EEF2K: variants seen among roughly 807,000 people sequenced by gnomAD.
EEF2K encodes alternative protein EEF2K.
Under a neutral mutation model 93.8 loss-of-function variants are expected in EEF2K, and 70 were observed. That is an observed-to-expected ratio of 0.75 (90% CI 0.62 to 0.91). The LOEUF is 0.91. Ranked by LOEUF, EEF2K falls within the 40% of genes least tolerant of loss-of-function variation. The pLI, the probability that EEF2K is intolerant of heterozygous loss-of-function variation, is 0.00. For missense variants in EEF2K, 935 were observed against 972.9 expected, an observed-to-expected ratio of 0.96 and a Z score of 0.52; for synonymous variants, 376 against 380.8, an observed-to-expected ratio of 0.99 and a Z score of 0.15.
At chr16:22,260,376 G>A in intron 10 of EEF2K, 86 bp from the exon 11 acceptor site, 1 of 1,396,176 alleles carries the variant, frequency 7.2e-7, no homozygotes, top group African/African-American at 1.4e-5. Flanking sequence ...CTTGGTGGCA[G>A]GTATGGACCG....
rs2047319578 is a variant in EEF2K at position 22,248,755 on chromosome 16, G to A, written c.348G>A (p.Arg116=). 4 of 1,613,768 alleles carry A rather than the reference G, an allele frequency of 2.5e-6. No individual in the cohort carries two copies. The South Asian group carries it at 3.3e-5, about 13-fold the overall frequency. The change falls in exon 4 of 18, where the codon AGG becomes AGA. Residue 116 remains arginine (R), a splice_region_variant and synonymous_variant. Coordinates refer to ENST00000263026, the MANE Select transcript of EEF2K (RefSeq NM_013302.5). ...CCCCATGGTGGATGGGTCTCTGCAG[G>A]TACAACGCCGTCACCGGGGAATGGC... ...DIATERATRH[R]YNAVTGEWLD...
chr16:22,249,891 C>A (rs2141669006), intron 4 of EEF2K, among the ~76,000 whole-genome samples: 1 of 152,076 alleles, frequency 6.6e-6, no homozygotes, highest in African/African-American at 2.4e-5. Context: ...AAGCAATTCT[C>A]CTGCCTCAGC....
At chr16:22,249,426 G>A (rs1469935297) in intron 4 of EEF2K, among the ~76,000 whole-genome samples, 1 of 152,084 alleles carries the variant, frequency 6.6e-6, no homozygotes, top group East Asian at 1.9e-4. Context: ...AGCTTGCTGA[G>A]TTGTCACAAA....
At chr16:22,227,105 A>G (rs1199425969) in intron 2 of EEF2K, among the ~76,000 whole-genome samples, 4 of 152,226 alleles carry the variant, frequency 2.6e-5, no homozygotes, top group African/African-American at 7.2e-5. Flanking sequence ...AGGCTGAGGC[A>G]GGAGAATCAC....
In EEF2K at chr16:22,211,919, G is replaced by A. The variant is rs79639326; in HGVS notation, c.-77+5240G>A. Among the ~76,000 whole-genome samples the A allele has an allele frequency of 7.5e-4, 114 of 152,020 alleles. 1 individual carries two copies. In the East Asian group the frequency reaches 0.016, roughly 21 times the overall value. Reference sequence around the variant, plus strand: ...GGAGCTGCAGAGGAACAAGACACACGGCCCCTTTTGTTCAAGACACTCACA... The same window carrying A: ...GGAGCTGCAGAGGAACAAGACACACAGCCCCTTTTGTTCAAGACACTCACA... On this transcript the variant is annotated intron_variant, in intron 1 of 17. Coordinates refer to ENST00000263026, the MANE Select transcript of EEF2K (RefSeq NM_013302.5).
In EEF2K at chr16:22,260,554, C is replaced by G. The variant is rs540917876; in HGVS notation, c.1299+25C>G. ...GGTGAGTGTGAAGGGAGGGAGGCTG[C>G]AGGCTTCAGACCCCAGCAGGGGTAG... On this transcript the variant is annotated intron_variant, in intron 11 of 17. Transcript: ENST00000263026. 3.0e-5 allele frequency: 48 copies of G among 1,613,876 alleles called. 1 individual carries two copies. In the South Asian group the frequency reaches 4.8e-4, roughly 16 times the overall value.
Position 22,283,973 on chromosome 16 carries a change from G to C in EEF2K, c.2155G>C (p.Ala719Pro), listed in dbSNP as rs772711075. 2 of 1,586,202 alleles carry C rather than the reference G, an allele frequency of 1.3e-6. No individual in the cohort carries two copies. The highest frequency in any genetic ancestry group is 1.2e-5 in the South Asian group (1 of 86,728). Reference protein sequence around the residue: ...ANQYYQKAEEAWAQMEE With the variant: ...ANQYYQKAEEPWAQMEE ...CCAGTACTACCAAAAGGCTGAAGAG[G>C]CCTGGGCCCAGATGGAGGAGTAACC... Residue 719 changes from alanine to proline, a missense_variant, in exon 18 of 18, where the codon GCC becomes CCC. By Grantham distance (27) the Ala-to-Pro change is conservative. Transcript: ENST00000263026.
chr16:22,259,876 C>T (rs2047445527), intron 10 of EEF2K, among the ~76,000 whole-genome samples: 2 of 152,068 alleles, frequency 1.3e-5, no homozygotes, highest in Admixed American at 6.5e-5. Flanking sequence ...CCTCAGCCTC[C>T]CAAGTAGCTG....
chr16:22,250,632 C>T, intron 4 of EEF2K, 22 bp from the exon 5 acceptor site: 1 of 1,614,178 alleles, frequency 6.2e-7, no homozygotes, highest in South Asian at 1.1e-5. Context: ...GGACTGATAA[C>T]ACTCTGTGTG....
intron 12 of EEF2K, among the ~76,000 whole-genome samples, chr16:22,263,792 G>C (rs1047629666): frequency 2.6e-5 from 4 of 152,134 alleles, no homozygotes; most frequent in African/African-American, 9.7e-5. Context: ...GTAATAGCTG[G>C]ACCCACTCAT....
Position 22,234,359 on chromosome 16 carries a change from C to A in EEF2K, c.246+8384C>A, listed in dbSNP as rs576837474. On this transcript the variant is annotated intron_variant, in intron 2 of 17. Transcript: ENST00000263026. ...ATCACCTGAGGTCAGGAGTTGGAGA[C>A]CAGCCTGACCAATATGGTGAAACTT... Among the ~76,000 whole-genome samples, 27 of 152,204 alleles carry A rather than the reference C, an allele frequency of 1.8e-4. 1 individual carries two copies. The East Asian group carries it at 4.8e-3, about 27-fold the overall frequency.
Position 22,252,176 on chromosome 16 carries a change from T to C in EEF2K, c.618+854T>C, listed in dbSNP as rs866055249. On this transcript the variant is annotated intron_variant, in intron 6 of 17. Transcript: ENST00000263026. ...TACAGATGGGATCTATTAGTCAGGA[T>C]TTTTGTTTGCAAATGACAGAAACCC... Among the ~76,000 whole-genome samples, 7 of 152,324 alleles carry C rather than the reference T, an allele frequency of 4.6e-5. No homozygotes were observed. In the South Asian group the frequency reaches 1.5e-3, roughly 32 times the overall value.
At position 22,284,080 on chromosome 16, in the gene EEF2K, T is replaced by C. The variant is rs1448661485; in HGVS notation, c.*84T>C. On this transcript the variant is annotated 3_prime_UTR_variant, in exon 18 of 18. Transcript: ENST00000263026. ...AACAACAACAACAACTTATTTAGTTTGGGGAGGGGAAGCATTTTTAAGTGT... is the reference window on the plus strand; with the variant it reads ...AACAACAACAACAACTTATTTAGTTCGGGGAGGGGAAGCATTTTTAAGTGT... The C allele has an allele frequency of 1.6e-6, 2 of 1,221,248 alleles. No homozygotes were observed. The highest frequency in any genetic ancestry group is 2.6e-5 in the East Asian group (1 of 38,948). 75.7% of individuals were successfully genotyped at this position (1,221,248 alleles called of 1,614,324 possible). A position where few individuals can be genotyped will look rare whatever the true frequency, so the allele number is the denominator to read the frequency against.
Position 22,217,160 on chromosome 16 carries a change from CAAAAAAAAAA to C in EEF2K, c.-76-8480_-76-8471del, listed in dbSNP as rs59262131. 4.4e-4 allele frequency among the ~76,000 whole-genome samples: 34 copies of C among 76,486 alleles called. 1 individual carries two copies. Among genetic ancestry groups the C allele is most frequent in the Admixed American group, 2.4e-3 (13 of 5,340 alleles). 50.2% of individuals were successfully genotyped at this position (76,486 alleles called of 152,430 possible). A position where few individuals can be genotyped will look rare whatever the true frequency, so the allele number is the denominator to read the frequency against. Reference sequence around the variant, plus strand: ...TGGGTGACAGAGCAAGACCCTGTCTCAAAAAAAAAAAAAAAAAAAAAAAGAATCAGGAAGC... The same window carrying C: ...TGGGTGACAGAGCAAGACCCTGTCTCAAAAAAAAAAAAAGAATCAGGAAGC... On this transcript the variant is annotated intron_variant, in intron 1 of 17. Transcript: ENST00000263026.
At chr16:22,254,361 C>A (rs2047379765) in intron 6 of EEF2K, among the ~76,000 whole-genome samples, 1 of 152,100 alleles carries the variant, frequency 6.6e-6, no homozygotes, top group Admixed American at 6.6e-5. Context: ...GTTCTCAGAA[C>A]CCATTGAAGC....
intron 15 of EEF2K, among the ~76,000 whole-genome samples, chr16:22,267,093 G>A (rs2047532129): frequency 6.6e-6 from 1 of 152,202 alleles, no homozygotes; most frequent in Non-Finnish European, 1.5e-5. Context: ...GGGAGGGGAA[G>A]GTAAGTCACG....
intron 1 of EEF2K, among the ~76,000 whole-genome samples, chr16:22,224,747 G>A (rs532552760): frequency 6.6e-6 from 1 of 152,258 alleles, no homozygotes; most frequent in Non-Finnish European, 1.5e-5. Flanking sequence ...GGGGTCAGAA[G>A]TTCAAGACCA....
At chr16:22,228,862 C>T (rs1187189585) in intron 2 of EEF2K, among the ~76,000 whole-genome samples, 1 of 152,186 alleles carries the variant, frequency 6.6e-6, no homozygotes, top group Non-Finnish European at 1.5e-5. Flanking sequence ...ATAGCTGCAA[C>T]TTGTTAGCAA....
chr16:22,230,705 T>A (rs1466452830), intron 2 of EEF2K, among the ~76,000 whole-genome samples: 1 of 152,104 alleles, frequency 6.6e-6, no homozygotes, highest in Non-Finnish European at 1.5e-5. Context: ...AAAAAATTTT[T>A]TGTAGATATG....
Sources: gnomAD v4.1 joint callset for allele counts (sites outside exome capture counted in the v4.1 genomes callset) on GRCh38, gnomAD v4.1.1 for gene constraint, MANE v1.5 for transcripts, NCBI Gene and HGNC (gene_info 2026-07-23, HGNC 2026-07-21) for gene names.